Variants in ANKS1A observed in about 807,000 individuals in gnomAD.
ANKS1A encodes ankyrin repeat and SAM domain-containing protein 1A.
ANKS1A carries 55 observed loss-of-function variants against 120.3 expected under a neutral mutation model. The ratio of observed to expected loss-of-function variants is 0.46; its 90% CI spans 0.37 to 0.57. The LOEUF is 0.57. ANKS1A is among the 20% of genes least tolerant of loss of function. ANKS1A has a pLI of 0.00. For synonymous variants in ANKS1A, 590 were observed against 604.7 expected, an observed-to-expected ratio of 0.98 and a Z score of 0.36; for missense variants, 1,123 against 1,480.3, an observed-to-expected ratio of 0.76 and a Z score of 3.96.
chr6:34,966,178 A>G (rs1228419163), intron 1 of ANKS1A, among the ~76,000 whole-genome samples: 1 of 152,208 alleles, frequency 6.6e-6, no homozygotes, highest in Admixed American at 6.5e-5. Context: ...TTATGAATAT[A>G]GATCCTAAAT....
At chr6:34,990,523 CTAA>C (rs1772448634) in intron 9 of ANKS1A, among the ~76,000 whole-genome samples, 1 of 145,650 alleles carries the variant, frequency 6.9e-6, no homozygotes, top group South Asian at 2.1e-4. Context: ...AAGGAGAAGC[CTAA>C]TAATAAGAAT....
chr6:34,994,440 C>G lies in ANKS1A; in HGVS notation c.1423+18C>G. Reference sequence around the variant, plus strand: ...AACAAAAGGTACGTTCCCCACAACTCCTGGCAGAACCAACTCCAAAGGGAT... The same window carrying G: ...AACAAAAGGTACGTTCCCCACAACTGCTGGCAGAACCAACTCCAAAGGGAT... On this transcript the variant is annotated intron_variant, in intron 10 of 23. Transcript: ENST00000360359. 6.2e-7 allele frequency: 1 copy of G among 1,607,714 alleles called. No homozygotes were observed. Among genetic ancestry groups the G allele is most frequent in the Non-Finnish European group, 8.5e-7 (1 of 1,175,966 alleles).
intron 1 of ANKS1A, among the ~76,000 whole-genome samples, chr6:34,959,893 A>G (rs1313152182): frequency 2.0e-5 from 3 of 152,204 alleles, no homozygotes; most frequent in Non-Finnish European, 4.4e-5. Flanking sequence ...TTTAGCCTTT[A>G]GAGCCTGTGC....
At chr6:35,023,715 G>A in intron 11 of ANKS1A, 1 of 341,584 alleles carries the variant, frequency 2.9e-6, no homozygotes, top group South Asian at 2.8e-5. Flanking sequence ...AATTAGCGTG[G>A]AAGTTGGAGA....
rs763923305 is a variant in ANKS1A, at chr6:35,086,919, C to T, written c.3304-33C>T. ...TGCCTCCAGCCCTGGCACAGAGCTC[C>T]CTCTGACTCTTGACTGCTTCCTTGT... On this transcript the variant is annotated intron_variant, in intron 22 of 23. Transcript: ENST00000360359. This position sits in a 1 kb window ranked among gnomAD's most constrained non-coding sequence, Gnocchi z 5.1. 16 of 1,607,302 alleles carry T rather than the reference C, an allele frequency of 1.0e-5. No individual in the cohort carries two copies. Among genetic ancestry groups the T allele is most frequent in the Non-Finnish European group, 1.3e-5 (15 of 1,173,872 alleles).
intron 1 of ANKS1A, among the ~76,000 whole-genome samples, chr6:34,906,496 C>T (rs1481210413): frequency 6.6e-6 from 1 of 152,202 alleles, no homozygotes; most frequent in East Asian, 1.9e-4. Flanking sequence ...CTTGACAACT[C>T]CCTTAAGAAA....
At chr6:34,999,788 ACAG>A (rs1773059931) in intron 10 of ANKS1A, among the ~76,000 whole-genome samples, 1 of 152,088 alleles carries the variant, frequency 6.6e-6, no homozygotes, top group Non-Finnish European at 1.5e-5. Flanking sequence ...AGTTAAGAGA[ACAG>A]CAGCATAAGC....
At chr6:35,016,852 C>T (rs1485980444) in intron 10 of ANKS1A, among the ~76,000 whole-genome samples, 2 of 151,398 alleles carry the variant, frequency 1.3e-5, no homozygotes, top group African/African-American at 2.4e-5. Flanking sequence ...GAATGGCCCC[C>T]TCCGAGGAAG....
intron 11 of ANKS1A, among the ~76,000 whole-genome samples, chr6:35,037,236 C>G (rs938101761): frequency 6.6e-6 from 1 of 152,154 alleles, no homozygotes; most frequent in Non-Finnish European, 1.5e-5. Flanking sequence ...TCCCTATTAG[C>G]TTTTTAGTAT....
At chr6:34,951,408 G>C (rs1045324721) in intron 1 of ANKS1A, among the ~76,000 whole-genome samples, 1 of 152,074 alleles carries the variant, frequency 6.6e-6, no homozygotes, top group Admixed American at 6.6e-5. Context: ...TTACATAGAG[G>C]TTACATGATT....
At chr6:34,966,101 T>G (rs998351076) in intron 1 of ANKS1A, among the ~76,000 whole-genome samples, 1 of 152,162 alleles carries the variant, frequency 6.6e-6, no homozygotes, top group African/African-American at 2.4e-5. Context: ...GACCTGTGAC[T>G]TTAACCTAAC....
intron 23 of ANKS1A, 34 bp from the exon 24 acceptor site, chr6:35,088,572 C>A (rs755673770): frequency 6.2e-7 from 1 of 1,614,022 alleles, no homozygotes; most frequent in South Asian, 1.1e-5. Flanking sequence ...CATTGGTTAA[C>A]CCTTTCCTCC....
At chr6:34,963,225 T>C (rs1561874234) in intron 1 of ANKS1A, among the ~76,000 whole-genome samples, 1 of 152,196 alleles carries the variant, frequency 6.6e-6, no homozygotes, top group Non-Finnish European at 1.5e-5. Context: ...AGTAAATCTC[T>C]TGAATTTATC....
chr6:34,902,578 T>TA (rs11426794), intron 1 of ANKS1A, among the ~76,000 whole-genome samples: 11,048 of 152,002 alleles, frequency 0.073, 611 homozygotes, highest in East Asian at 0.23. Context: ...AAGGAGTGTA[T>TA]AAAAAATCAG....
rs769898809 is a variant in ANKS1A, at chr6:35,087,063, A to G, written c.3401+14A>G. 8 of 1,612,742 alleles carry G rather than the reference A, an allele frequency of 5.0e-6. No individual in the cohort carries two copies. Among genetic ancestry groups the G allele is most frequent in the Non-Finnish European group, 5.9e-6 (7 of 1,178,928 alleles). On this transcript the variant is annotated intron_variant, in intron 23 of 23. Transcript: ENST00000360359. ...CCTCAGCACCAAGTATGAGACCACT[A>G]TCTTCTAAAACAACCCACTCCCTGT...
At chr6:34,931,831 CT>C (rs1256797585) in intron 1 of ANKS1A, among the ~76,000 whole-genome samples, 1 of 152,214 alleles carries the variant, frequency 6.6e-6, no homozygotes, top group Non-Finnish European at 1.5e-5. Context: ...GTGAAGGACA[CT>C]TGCAGAGAGC....
downstream of ANKS1A, chr6:35,091,563 C>T: frequency 2.5e-6 from 1 of 404,874 alleles, no homozygotes; most frequent in Non-Finnish European, 3.3e-6. Flanking sequence ...TTCTGTCTCG[C>T]ACTCTCTAAC....
intron 10 of ANKS1A, among the ~76,000 whole-genome samples, chr6:34,995,472 G>C (rs561207508): frequency 3.9e-5 from 6 of 151,916 alleles, no homozygotes; most frequent in Middle Eastern, 6.8e-3. Context: ...GTGTAGTTCT[G>C]TGAATTTTGA....
chr6:34,889,531 C>T lies in ANKS1A; in HGVS notation c.129C>T (p.Gly43=), dbSNP rs1293724117. The change falls in exon 1 of 24, where the codon GGC becomes GGT. Residue 43 remains glycine, a synonymous_variant. Coordinates refer to ENST00000360359, the MANE Select transcript of ANKS1A (RefSeq NM_015245.3). This position sits in a 1 kb window ranked among gnomAD's most constrained non-coding sequence, Gnocchi z 5.5. The part of the protein sequence containing the change: ...GGGGGGGSGG[G]GGGSGGGGGG... ...GCGGCGGCGGTGGCTCTGGGGGCGG[C>T]GGCGGCGGCAGCGGCGGCGGCGGCG... 4.7e-6 allele frequency: 6 copies of T among 1,269,524 alleles called. No homozygotes were observed. The highest frequency in any genetic ancestry group is 5.9e-6 in the Non-Finnish European group (6 of 1,018,542). 78.6% of individuals were successfully genotyped at this position (1,269,524 alleles called of 1,614,324 possible). A position where few individuals can be genotyped will look rare whatever the true frequency, so the allele number is the denominator to read the frequency against.
Sources: allele counts gnomAD v4.1 joint callset (sites outside exome capture counted in the v4.1 genomes callset), GRCh38; gene constraint gnomAD v4.1.1; non-coding constraint Gnocchi (gnomAD v3.1); transcripts MANE v1.5; gene names NCBI Gene and HGNC (gene_info 2026-07-23, HGNC 2026-07-21).